Variants in IL2RB observed in about 807,000 individuals in gnomAD.
IL2RB encodes the protein interleukin 2 receptor subunit beta.
A neutral mutation model predicts 44.2 loss-of-function variants in IL2RB; 17 were observed. The observed-to-expected ratio is 0.38, with a 90% confidence interval of 0.26 to 0.58. IL2RB has a LOEUF of 0.58. Ranked by LOEUF, IL2RB falls within the 20% of genes least tolerant of loss-of-function variation. IL2RB has a pLI of 0.63. For missense variants in IL2RB, 624 were observed against 685.5 expected, an observed-to-expected ratio of 0.91 and a Z score of 1.00; for synonymous variants, 286 against 297.9, an observed-to-expected ratio of 0.96 and a Z score of 0.41.
intron 1 of IL2RB, among the ~76,000 whole-genome samples, chr22:37,170,914 C>A (rs1923260214): frequency 6.6e-6 from 1 of 152,146 alleles, no homozygotes; most frequent in African/African-American, 2.4e-5. Flanking sequence ...ATCCTGCCAG[C>A]CTGTGGAACT....
chr22:37,164,584 C>A (rs1923003640), intron 1 of IL2RB, among the ~76,000 whole-genome samples: 1 of 152,048 alleles, frequency 6.6e-6, no homozygotes, highest in Admixed American at 6.6e-5. Context: ...GTGGGCCGGG[C>A]AAGCCACCTC....
upstream of IL2RB, among the ~76,000 whole-genome samples, chr22:37,150,721 C>A (rs1464307178): frequency 2.0e-5 from 3 of 152,112 alleles, no homozygotes; most frequent in South Asian, 6.2e-4. Context: ...AATCCCCACC[C>A]CTCCAACCCC....
intron 9 of IL2RB, 106 bp downstream of exon 9, chr22:37,132,278 G>C (rs1478475904): frequency 6.4e-6 from 5 of 787,028 alleles, no homozygotes; most frequent in Non-Finnish European, 1.1e-5. Context: ...TGCTCACTTC[G>C]GCGTTTTGTC....
Position 37,144,212 on chromosome 22 carries a change from G to T in IL2RB, c.-33-7C>A. The T allele has an allele frequency of 6.5e-7, 1 of 1,541,962 alleles. No individual in the cohort carries two copies. Among genetic ancestry groups the T allele is most frequent in the Non-Finnish European group, 8.8e-7 (1 of 1,142,562 alleles). On this transcript the variant is annotated splice_region_variant and splice_polypyrimidine_tract_variant and intron_variant, in intron 1 of 9. Transcript: ENST00000216223. ...GGAGCCGAGGAAGGAAGCCCTGGTG[G>T]GAGAGGAGAAAGAGAGAGCACACGT...
Position 37,141,134 on chromosome 22 carries a change from G to A in IL2RB, c.282+1300C>T, listed in dbSNP as rs1041390170. On this transcript the variant is annotated intron_variant, in intron 4 of 9. Transcript: ENST00000216223. This position sits in a 1 kb window ranked among gnomAD's most constrained non-coding sequence, Gnocchi z 4.4. Reference sequence around the variant, plus strand: ...GACCCAGGCCTCCTGGTGCTGTTGGGGGCTGGGATCAGGCAAGAGCCCCGC... The same window carrying A: ...GACCCAGGCCTCCTGGTGCTGTTGGAGGCTGGGATCAGGCAAGAGCCCCGC... Among the ~76,000 whole-genome samples the A allele has an allele frequency of 1.3e-5, 2 of 152,090 alleles. No individual in the cohort carries two copies. The highest frequency in any genetic ancestry group is 2.9e-5 in the Non-Finnish European group (2 of 68,014).
At chr22:37,165,928 C>T (rs1399787481) in intron 1 of IL2RB, among the ~76,000 whole-genome samples, 1 of 152,204 alleles carries the variant, frequency 6.6e-6, no homozygotes, top group East Asian at 1.9e-4. Flanking sequence ...CTCCCTACGG[C>T]AAGGAAGTCA....
intron 1 of IL2RB, among the ~76,000 whole-genome samples, chr22:37,171,787 G>A (rs1034417): frequency 0.83 from 126,778 of 152,252 alleles, 54,622 homozygotes; most frequent in East Asian, 1. Flanking sequence ...TATAGATGCA[G>A]TTGTACAGAA....
chr22:37,136,268 G>T lies in IL2RB; in HGVS notation c.663C>A (p.Ser221Arg). The stretch of plus-strand genomic sequence containing the variant: ...TGAAGGCCAGGGGCTGGCTCCAGGG[G>T]CTCCAGGTCGTGAACTCGCCTTGCA... ...KPLQGEFTTW[S>R]PWSQPLAFRT... The change falls in exon 7 of 10, where the codon AGC becomes AGA. Residue 221 changes from serine to arginine, a missense_variant. Coordinates refer to ENST00000216223, the MANE Select transcript of IL2RB (RefSeq NM_000878.5). The T allele has an allele frequency of 6.2e-7, 1 of 1,612,490 alleles. No individual in the cohort carries two copies. The highest frequency in any genetic ancestry group is 8.5e-7 in the Non-Finnish European group (1 of 1,179,712).
At chr22:37,152,136 T>A (rs1490771666), upstream of IL2RB, among the ~76,000 whole-genome samples, 2 of 152,216 alleles carry the variant, frequency 1.3e-5, no homozygotes, top group African/African-American at 4.8e-5. Context: ...AGGGATTACA[T>A]TGAGTCTGTA....
chr22:37,137,457 G>A, intron 6 of IL2RB, 130 bp downstream of exon 6: 1 of 888,070 alleles, frequency 1.1e-6, no homozygotes, highest in Non-Finnish European at 1.8e-6. Flanking sequence ...AGTGCAGAAA[G>A]AGCACTGGAC....
Position 37,128,561 on chromosome 22 carries a change from G to A in IL2RB, c.1191C>T (p.Ala397=), listed in dbSNP as rs150175464. The change falls in exon 10 of 10, where the codon GCC becomes GCT. Residue 397 remains alanine (A), a synonymous_variant. Coordinates refer to ENST00000216223, the MANE Select transcript of IL2RB (RefSeq NM_000878.5). The surrounding 1 kb of genome is among the most constrained non-coding windows in gnomAD (Gnocchi z 4.5). ...YSEEDPDEGV[A]GAPTGSSPQP... is the part of the protein sequence containing the mutation. The stretch of plus-strand genomic sequence containing the variant: ...GGGGGGAAGACCCTGTGGGTGCCCC[G>A]GCCACACCCTCATCAGGGTCTTCCT... The A allele has an allele frequency of 8.4e-5, 136 of 1,613,788 alleles. No individual in the cohort carries two copies. The highest frequency in any genetic ancestry group is 1.3e-4 in the East Asian group (6 of 44,874).
intron 9 of IL2RB, among the ~76,000 whole-genome samples, chr22:37,130,262 G>T (rs1359257787): frequency 6.6e-6 from 1 of 152,260 alleles, no homozygotes; most frequent in Non-Finnish European, 1.5e-5. Context: ...CAGCAGCCCT[G>T]TGTGTGCAGC....
In IL2RB at chr22:37,128,816, G is replaced by A; in HGVS notation, c.936C>T (p.Ser312=). 6.2e-7 allele frequency: 1 copy of A among 1,610,864 alleles called. No individual in the cohort carries two copies. Among genetic ancestry groups the A allele is most frequent in the Admixed American group, 1.7e-5 (1 of 59,982 alleles). The change falls in exon 10 of 10, where the codon TCC becomes TCT. Residue 312 remains serine, a synonymous_variant. Transcript: ENST00000216223. This position sits in a 1 kb window ranked among gnomAD's most constrained non-coding sequence, Gnocchi z 4.5. Reference sequence around the variant, plus strand: ...CAGGTGCCAGGCCGCCAGGGCTGAAGGACGATGAGGGGAAGGGCGAAGAGA... The same window carrying A: ...CAGGTGCCAGGCCGCCAGGGCTGAAAGACGATGAGGGGAAGGGCGAAGAGA... ...KWLSSPFPSS[S]FSPGGLAPEI...
At chr22:37,154,172 G>A (rs941649004), upstream of IL2RB, among the ~76,000 whole-genome samples, 8 of 152,168 alleles carry the variant, frequency 5.3e-5, no homozygotes, top group African/African-American at 1.7e-4. Context: ...AATGGGGGAT[G>A]GTGCAGCCCC....
intron 8 of IL2RB, among the ~76,000 whole-genome samples, chr22:37,134,262 C>G (rs1009332706): frequency 2.6e-5 from 4 of 152,156 alleles, no homozygotes; most frequent in Non-Finnish European, 5.9e-5. Flanking sequence ...GACCTAAAGT[C>G]TCTGGGAGGG....
In IL2RB at chr22:37,136,224, G is replaced by A. The variant is rs1921686489; in HGVS notation, c.703+4C>T. ...CCCCTCTCACCCTTGCCGCCCACCA[G>A]TACCTGCAGGCTTTGTCCTGAAGGC... On this transcript the variant is annotated splice_donor_region_variant and intron_variant, in intron 7 of 9. Coordinates refer to ENST00000216223, the MANE Select transcript of IL2RB (RefSeq NM_000878.5). The A allele has an allele frequency of 2.5e-6, 4 of 1,607,716 alleles. No individual in the cohort carries two copies. The East Asian group carries it at 8.9e-5, about 36-fold the overall frequency.
intron 6 of IL2RB, 73 bp from the exon 7 acceptor site, chr22:37,136,466 A>ACC (rs34577916): frequency 0.21 from 275,639 of 1,303,498 alleles, 6,879 homozygotes; most frequent in Admixed American, 0.23. Flanking sequence ...GCATCACAGA[A>ACC]CCCCCCCCCA....
At chr22:37,150,589 A>T (rs1339676263), upstream of IL2RB, among the ~76,000 whole-genome samples, 1 of 152,122 alleles carries the variant, frequency 6.6e-6, no homozygotes. Flanking sequence ...TTAAAATCCA[A>T]GTATACTCTT....
At position 37,128,159 on chromosome 22, in the gene IL2RB, CA is replaced by C. The variant is rs1921215587; in HGVS notation, c.1592del (p.Leu531ArgfsTer44). The C allele has an allele frequency of 6.4e-7, 1 of 1,572,286 alleles. No individual in the cohort carries two copies. The highest frequency in any genetic ancestry group is 8.6e-7 in the Non-Finnish European group (1 of 1,163,634). ...GGAGGGACAAGTAGGCATCAGTGTTCAGGGGCAGGCGAGCATTAAGGGCCCT... is the reference window on the plus strand; with the variant it reads ...GGAGGGACAAGTAGGCATCAGTGTTCGGGGCAGGCGAGCATTAAGGGCCCT... The part of the protein sequence containing the change: ...EFRALNARLP[L>X]NTDAYLSLQE... On this transcript the variant is annotated frameshift_variant, in exon 10 of 10. Transcript: ENST00000216223. LOFTEE classifies it high-confidence loss of function. This position sits in a 1 kb window ranked among gnomAD's most constrained non-coding sequence, Gnocchi z 4.5.
Sources: gnomAD v4.1 joint callset for allele counts (sites outside exome capture counted in the v4.1 genomes callset) on GRCh38, gnomAD v4.1.1 for gene constraint, Gnocchi (gnomAD v3.1) non-coding constraint, MANE v1.5 for transcripts, NCBI Gene and HGNC (gene_info 2026-07-23, HGNC 2026-07-21) for gene names.